Variants in DIAPH2 observed in about 807,000 individuals in gnomAD.
DIAPH2 encodes diaphanous related formin 2.
DIAPH2 carries 35 observed loss-of-function variants against 92.7 expected under a neutral mutation model. The ratio of observed to expected loss-of-function variants is 0.38; its 90% CI spans 0.29 to 0.50. The LOEUF is 0.50. Ranked by LOEUF, DIAPH2 falls within the 20% of genes least tolerant of loss-of-function variation. The pLI, the probability that DIAPH2 is intolerant of heterozygous loss-of-function variation, is 0.94. For synonymous variants in DIAPH2, 301 were observed against 280.4 expected (o/e 1.07, Z -0.73); for missense variants, 701 against 819.5 (o/e 0.86, Z 1.77).
intron 19 of DIAPH2, among the ~76,000 whole-genome samples, chrX:97,094,584 G>T (rs769787263): frequency 8.9e-6 from 1 of 112,147 alleles, no homozygotes; most frequent in East Asian, 2.8e-4. Context: ...TATGTATGTC[G>T]ATTCTTGGAG....
chrX:97,471,809 T>C (rs186256129), intron 26 of DIAPH2, among the ~76,000 whole-genome samples: 79 of 110,704 alleles, frequency 7.1e-4, no homozygotes, highest in Non-Finnish European at 1.4e-3. Flanking sequence ...CAGCATCTCA[T>C]TGCATCTTCA....
chrX:96,824,178 A>T (rs2064797353), intron 4 of DIAPH2, among the ~76,000 whole-genome samples: 1 of 110,555 alleles, frequency 9.0e-6, no homozygotes, highest in Non-Finnish European at 1.9e-5. Context: ...GGGAGTTAAC[A>T]TTTAGAAATA....
At chrX:97,315,707 C>T (rs1390857377) in intron 23 of DIAPH2, among the ~76,000 whole-genome samples, 2 of 108,333 alleles carry the variant, frequency 1.8e-5, no homozygotes, top group African/African-American at 3.4e-5. Context: ...AGAAAGAACA[C>T]GAGCTTTGGA....
At chrX:97,445,922 A>C (rs2070306074) in intron 26 of DIAPH2, among the ~76,000 whole-genome samples, 1 of 109,191 alleles carries the variant, frequency 9.2e-6, no homozygotes, top group African/African-American at 3.3e-5. Flanking sequence ...GGGAAAAAAA[A>C]CCAAGAGCGA....
At chrX:97,319,183 TTC>T (rs2068868494) in intron 23 of DIAPH2, among the ~76,000 whole-genome samples, 1 of 112,603 alleles carries the variant, frequency 8.9e-6, no homozygotes, top group African/African-American at 3.2e-5. Context: ...TGATAATTTG[TTC>T]TCTTTCCATT....
At chrX:97,459,377 G>GC (rs1369172271) in intron 26 of DIAPH2, among the ~76,000 whole-genome samples, 218 of 112,124 alleles carry the variant, frequency 1.9e-3, no homozygotes, top group African/African-American at 7.0e-3. Context: ...TTACCTTTCT[G>GC]CCTCAGTATT....
rs746889991 is a variant in DIAPH2, at chrX:96,837,667, G to A, written c.448-43912G>A. Among the ~76,000 whole-genome samples, 138 of 111,138 alleles carry A rather than the reference G, an allele frequency of 1.2e-3. 1 individual carries two copies. The highest frequency in any genetic ancestry group is 1.9e-3 in the Non-Finnish European group (102 of 52,961). ...GATTGTATCATTGTAAGTAAAAGGG[G>A]GACTTGGATTTTGGTTATAAAAACG... On this transcript the variant is annotated intron_variant, in intron 4 of 26. Coordinates refer to ENST00000324765, the MANE Select transcript of DIAPH2 (RefSeq NM_006729.5).
chrX:96,864,851 A>G (rs997389973), intron 4 of DIAPH2, among the ~76,000 whole-genome samples: 2 of 112,012 alleles, frequency 1.8e-5, no homozygotes, highest in Non-Finnish European at 3.8e-5. Context: ...TCCATTTGTC[A>G]TTGTGTATCA....
At chrX:96,996,806 A>G (rs1003635057) in intron 17 of DIAPH2, among the ~76,000 whole-genome samples, 3 of 111,942 alleles carry the variant, frequency 2.7e-5, no homozygotes, top group African/African-American at 9.7e-5. Context: ...AGCACTGATG[A>G]TTATGTTGAT....
intron 22 of DIAPH2, among the ~76,000 whole-genome samples, chrX:97,226,133 A>G (rs188183732): frequency 2.5e-3 from 279 of 110,497 alleles, no homozygotes; most frequent in African/African-American, 8.6e-3. Flanking sequence ...TTATAGTACC[A>G]CCTCCCAAAT....
intron 25 of DIAPH2, among the ~76,000 whole-genome samples, chrX:97,410,873 T>C (rs1410427337): frequency 9.0e-6 from 1 of 111,261 alleles, no homozygotes; most frequent in Non-Finnish European, 1.9e-5. Context: ...TAAAAAGAAA[T>C]GAACAAAGCC....
At chrX:97,267,101 G>C (rs1052864930) in intron 23 of DIAPH2, among the ~76,000 whole-genome samples, 1 of 111,799 alleles carries the variant, frequency 8.9e-6, no homozygotes, top group Non-Finnish European at 1.9e-5. Context: ...ACATAGAAAA[G>C]AATTGATTTT....
At chrX:97,249,550 ATTGAG>A (rs2068170487) in intron 23 of DIAPH2, among the ~76,000 whole-genome samples, 4 of 112,046 alleles carry the variant, frequency 3.6e-5, no homozygotes. Flanking sequence ...AAATTAGAAT[ATTGAG>A]TTGGGTTGGT....
At chrX:97,163,818 A>T (rs1454543768) in intron 22 of DIAPH2, among the ~76,000 whole-genome samples, 1 of 112,093 alleles carries the variant, frequency 8.9e-6, no homozygotes, top group Non-Finnish European at 1.9e-5. Context: ...TTGACTTTGA[A>T]TTGCTACTTT....
chrX:97,405,109 A>G (rs1166561284), intron 25 of DIAPH2, among the ~76,000 whole-genome samples: 1 of 111,969 alleles, frequency 8.9e-6, no homozygotes, highest in Non-Finnish European at 1.9e-5. Flanking sequence ...ATCTCTAAGT[A>G]TATTAACTAA....
chrX:97,026,200 G>T (rs1204148326), intron 17 of DIAPH2, among the ~76,000 whole-genome samples: 1 of 111,935 alleles, frequency 8.9e-6, no homozygotes, highest in East Asian at 2.8e-4. Flanking sequence ...TTTATATTTT[G>T]ATAGTGCTCC....
chrX:96,716,143 G>A (rs2063949086), intron 1 of DIAPH2, among the ~76,000 whole-genome samples: 1 of 111,401 alleles, frequency 9.0e-6, no homozygotes, highest in South Asian at 3.7e-4. Flanking sequence ...TTTAATCATT[G>A]TCCCTTCAAT....
At chrX:97,373,944 T>C (rs1244835457) in intron 24 of DIAPH2, among the ~76,000 whole-genome samples, 1 of 110,306 alleles carries the variant, frequency 9.1e-6, no homozygotes, top group Non-Finnish European at 1.9e-5. Flanking sequence ...AGTGTAAAGA[T>C]GAGGAGCGAG....
chrX:96,950,613 A>G (rs1250165210), intron 15 of DIAPH2, among the ~76,000 whole-genome samples: 1 of 111,580 alleles, frequency 9.0e-6, no homozygotes, highest in Non-Finnish European at 1.9e-5. Context: ...TCTCGCCTGG[A>G]CTATTACAAT....
Sources: allele counts gnomAD v4.1 joint callset (sites outside exome capture counted in the v4.1 genomes callset), GRCh38; gene constraint gnomAD v4.1.1; transcripts MANE v1.5; gene names NCBI Gene and HGNC (gene_info 2026-07-23, HGNC 2026-07-21).